Variants in CLCN4 observed in about 807,000 individuals in gnomAD.
CLCN4 encodes Cl-/H+ antiporter 4, also known as H(+)/Cl(-) exchange transporter 4.
A neutral mutation model predicts 41.7 loss-of-function variants in CLCN4; 1 was observed. The ratio of observed to expected loss-of-function variants is 0.02; its 90% CI spans 0.01 to 0.11. The LOEUF (loss-of-function observed/expected upper bound fraction) is 0.11. Among genes scored for constraint, CLCN4 ranks in the 10% least tolerant of loss-of-function variants. The pLI, the probability that CLCN4 is intolerant of heterozygous loss-of-function variation, is 1.00. For synonymous variants in CLCN4, 277 were observed against 285.8 expected (o/e 0.97, Z 0.31); for missense variants, 287 against 661.0 (o/e 0.43, Z 6.20).
intron 4 of CLCN4, among the ~76,000 whole-genome samples, chrX:10,188,598 G>A (rs1460761374): frequency 8.9e-6 from 1 of 112,599 alleles, no homozygotes; most frequent in Non-Finnish European, 1.9e-5. Flanking sequence ...TTAGGAGATT[G>A]TGAAGGTTAA....
chrX:10,169,898 C>G lies in CLCN4; in HGVS notation c.-12+11347C>G, dbSNP rs137936846. ...CCGCCTCCTGGATTCAAGCGATTCTCCTGCCTCAGCCTCCTAAGTAGCTGG... is the reference window on the plus strand; with the variant it reads ...CCGCCTCCTGGATTCAAGCGATTCTGCTGCCTCAGCCTCCTAAGTAGCTGG... On this transcript the variant is annotated intron_variant, in intron 2 of 12. Coordinates refer to ENST00000380833, the MANE Select transcript of CLCN4 (RefSeq NM_001830.4). Among the ~76,000 whole-genome samples the G allele has an allele frequency of 6.7e-4, 72 of 108,096 alleles. 1 individual carries two copies. In the East Asian group the frequency reaches 0.018, roughly 27 times the overall value. The allele number at this position is 108,096 out of a possible 115,157, so 93.9% of individuals were successfully genotyped here.
At chrX:10,158,952 C>G (rs1923025597) in intron 2 of CLCN4, among the ~76,000 whole-genome samples, 2 of 113,161 alleles carry the variant, frequency 1.8e-5, no homozygotes, top group African/African-American at 6.4e-5. Flanking sequence ...TCTTAAATAA[C>G]GACATGTTTA....
intron 2 of CLCN4, among the ~76,000 whole-genome samples, chrX:10,170,434 A>C (rs1443925822): frequency 2.7e-5 from 3 of 112,400 alleles, no homozygotes; most frequent in Non-Finnish European, 5.6e-5. Context: ...TGTTAAAAAT[A>C]TTAATATAAA....
intron 1 of CLCN4, among the ~76,000 whole-genome samples, chrX:10,157,543 G>T (rs1310005787): frequency 2.7e-5 from 3 of 112,762 alleles, no homozygotes; most frequent in Non-Finnish European, 5.6e-5. Context: ...TTTGGCAAAA[G>T]AAAAGTTTAT....
intron 11 of CLCN4, among the ~76,000 whole-genome samples, chrX:10,216,895 G>GTATATATATATATATATATATATATATA (rs1277215208): frequency 4.8e-4 from 1 of 2,096 alleles, no homozygotes; most frequent in African/African-American, 8.0e-4. Context: ...GTGTGTGTGT[G>GTATATATATATATATATATATATATATA]TGTATATATA....
At chrX:10,202,030 G>C (rs1243174290) in intron 6 of CLCN4, among the ~76,000 whole-genome samples, 1 of 111,410 alleles carries the variant, frequency 9.0e-6, no homozygotes, top group Non-Finnish European at 1.9e-5. Flanking sequence ...TGTAATAAAT[G>C]CTCTCTATAA....
chrX:10,229,619 C>A (rs1160565165), intron 12 of CLCN4, among the ~76,000 whole-genome samples: 1 of 107,655 alleles, frequency 9.3e-6, no homozygotes, highest in Non-Finnish European at 1.9e-5. Context: ...TGTTCAATTC[C>A]CACCTATGAG....
intron 11 of CLCN4, 134 bp from the exon 12 acceptor site, chrX:10,220,527 T>G: frequency 2.0e-6 from 1 of 510,813 alleles, no homozygotes; most frequent in Non-Finnish European, 3.4e-6. Context: ...CTAAAGCCCC[T>G]TATTAAGAAT....
At chrX:10,227,755 A>C (rs962119566) in intron 12 of CLCN4, among the ~76,000 whole-genome samples, 1 of 111,718 alleles carries the variant, frequency 9.0e-6, no homozygotes, top group Admixed American at 9.5e-5. Flanking sequence ...ACAGTCATGC[A>C]CTATGTGGCC....
intron 2 of CLCN4, among the ~76,000 whole-genome samples, chrX:10,160,871 C>A (rs996921320): frequency 9.0e-6 from 1 of 111,303 alleles, no homozygotes; most frequent in African/African-American, 3.3e-5. Flanking sequence ...TGGGGCCAAC[C>A]GTGCTTGCTG....
rs371533172 is a variant in CLCN4, at chrX:10,185,110, G to A, written c.78G>A (p.Thr26=). 192 of 1,208,033 alleles carry A rather than the reference G, an allele frequency of 1.6e-4. No individual in the cohort carries two copies. Among genetic ancestry groups the A allele is most frequent in the East Asian group, 1.4e-3 (47 of 33,743 alleles). ...FLDEPFPDVG[T]YEDFHTIDWL... ...ATGAGCCGTTCCCTGATGTGGGGAC[G>A]TATGAGGACTTCCACACCATCGACT... The change falls in exon 3 of 13, where the codon ACG becomes ACA. Residue 26 remains threonine, a synonymous_variant. Coordinates refer to ENST00000380833, the MANE Select transcript of CLCN4 (RefSeq NM_001830.4).
At chrX:10,202,335 T>C (rs1026073655) in intron 6 of CLCN4, among the ~76,000 whole-genome samples, 3 of 110,670 alleles carry the variant, frequency 2.7e-5, no homozygotes, top group Non-Finnish European at 5.7e-5. Flanking sequence ...TTAGCCGGCG[T>C]GGTGGCACGT....
intron 2 of CLCN4, among the ~76,000 whole-genome samples, chrX:10,171,949 C>T (rs564724741): frequency 1.8e-5 from 2 of 111,862 alleles, no homozygotes; most frequent in South Asian, 7.5e-4. Context: ...TCCAGACTCC[C>T]AGAGAGAAAG....
chrX:10,195,539 C>T (rs1423686994), intron 5 of CLCN4, among the ~76,000 whole-genome samples: 2 of 111,713 alleles, frequency 1.8e-5, no homozygotes, highest in African/African-American at 6.5e-5. Context: ...TTAAAGTGTA[C>T]GATTTAATGC....
chrX:10,217,185 C>T (rs931523148), intron 11 of CLCN4, among the ~76,000 whole-genome samples: 1 of 109,273 alleles, frequency 9.2e-6, no homozygotes, highest in Non-Finnish European at 1.9e-5. Context: ...ACTGCAGCCT[C>T]TACCCACTGG....
Position 10,185,063 on chromosome X carries a change from G to A in CLCN4, c.31G>A (p.Gly11Arg). The change falls in exon 3 of 13, where the codon GGA becomes AGA. Residue 11 changes from glycine (G) to arginine (R), a missense_variant. This residue lies in a region of CLCN4 where 90 missense variants were observed against 209.8 expected (regional missense o/e 0.43). Transcript: ENST00000380833. ...CAATGCGGGAGCGATGAGTGGCTCT[G>A]GAAACCTGATGGATTTCCTCGATGA... is the stretch of plus-strand genomic sequence containing the variant. The part of the protein sequence containing the change: MVNAGAMSGS[G>R]NLMDFLDEPF... 8.3e-7 allele frequency: 1 copy of A among 1,209,904 alleles called. No individual in the cohort carries two copies. Among genetic ancestry groups the A allele is most frequent in the Non-Finnish European group, 1.1e-6 (1 of 894,236 alleles).
chrX:10,231,665 G>A (rs954928427), intron 12 of CLCN4, among the ~76,000 whole-genome samples: 5 of 111,807 alleles, frequency 4.5e-5, no homozygotes, highest in Admixed American at 1.9e-4. Context: ...GGCATAAGTC[G>A]TTTTTGGCAG....
At chrX:10,170,365 G>A (rs1923358649) in intron 2 of CLCN4, among the ~76,000 whole-genome samples, 1 of 111,674 alleles carries the variant, frequency 9.0e-6, no homozygotes, top group Admixed American at 9.5e-5. Context: ...GCCAAATATG[G>A]GAGGAAGCAT....
chrX:10,186,181 G>T (rs934566201), intron 3 of CLCN4, among the ~76,000 whole-genome samples: 1 of 110,929 alleles, frequency 9.0e-6, no homozygotes, highest in Admixed American at 9.6e-5. Context: ...AGATGCGTTG[G>T]TTTGAGCTGC....
Sources: allele counts gnomAD v4.1 joint callset (sites outside exome capture counted in the v4.1 genomes callset), GRCh38; gene constraint gnomAD v4.1.1; regional missense constraint gnomAD v4.1.1; transcripts MANE v1.5; gene names NCBI Gene and HGNC (gene_info 2026-07-23, HGNC 2026-07-21).